The following SNTB1 variants were observed in gnomAD, a reference collection of about 807,000 sequenced individuals.
The protein encoded by SNTB1 is beta-1-syntrophin.
In SNTB1, 36 loss-of-function variants were observed where a neutral mutation model predicts 48.9. The observed-to-expected ratio is 0.74, with a 90% CI of 0.56 to 0.97. The LOEUF (loss-of-function observed/expected upper bound fraction) is 0.97. SNTB1 is among the 50% of genes least tolerant of loss of function. The pLI is 0.00. For missense variants in SNTB1, 786 were observed against 703.4 expected, an observed-to-expected ratio of 1.12 and a Z score of -1.33; for synonymous variants, 299 against 294.6, an observed-to-expected ratio of 1.01 and a Z score of -0.15.
intron 2 of SNTB1, among the ~76,000 whole-genome samples, chr8:120,677,501 C>G (rs1817857007): frequency 6.6e-6 from 1 of 152,154 alleles, no homozygotes; most frequent in South Asian, 2.1e-4. Flanking sequence ...CTGTTTTATA[C>G]TTTTCAACTG....
intron 1 of SNTB1, among the ~76,000 whole-genome samples, chr8:120,805,310 G>A (rs995818313): frequency 6.6e-6 from 1 of 152,148 alleles, no homozygotes; most frequent in Non-Finnish European, 1.5e-5. Flanking sequence ...GGGAATTAGG[G>A]TTGAAGATGG....
intron 2 of SNTB1, among the ~76,000 whole-genome samples, chr8:120,646,576 A>G (rs1293333711): frequency 3.3e-5 from 5 of 151,792 alleles, no homozygotes; most frequent in Admixed American, 2.0e-4. Context: ...CCAGTATTTT[A>G]TTGAGGATTT....
intron 1 of SNTB1, among the ~76,000 whole-genome samples, chr8:120,806,122 C>T (rs2130189832): frequency 6.6e-6 from 1 of 152,346 alleles, no homozygotes; most frequent in African/African-American, 2.4e-5. Flanking sequence ...AATTAGCATT[C>T]TTACAGGACA....
At position 120,784,741 on chromosome 8, in the gene SNTB1, T is replaced by C. The variant is rs78567630; in HGVS notation, c.571+26532A>G. Among the ~76,000 whole-genome samples, 619 of 152,276 alleles carry C rather than the reference T, an allele frequency of 4.1e-3. 2 individuals are homozygous for C. The highest frequency in any genetic ancestry group is 5.4e-3 in the Non-Finnish European group (364 of 68,026). ...TCTTCCACTTGAAAAGACAAAATAGTGTATTGAGATTCATGCTGTAAACAG... is the reference window on the plus strand; with the variant it reads ...TCTTCCACTTGAAAAGACAAAATAGCGTATTGAGATTCATGCTGTAAACAG... On this transcript the variant is annotated intron_variant, in intron 1 of 6. Transcript: ENST00000517992.
intron 2 of SNTB1, among the ~76,000 whole-genome samples, chr8:120,648,569 AC>A (rs1370528261): frequency 6.6e-6 from 1 of 151,854 alleles, no homozygotes; most frequent in African/African-American, 2.4e-5. Flanking sequence ...TTTGAGGGTA[AC>A]CCGACCTTTC....
At chr8:120,543,978 CAG>C (rs1283709915) in intron 5 of SNTB1, among the ~76,000 whole-genome samples, 2 of 141,674 alleles carry the variant, frequency 1.4e-5, no homozygotes, top group Non-Finnish European at 3.0e-5. Flanking sequence ...TTTTTTGAGA[CAG>C]GGGTCTACGC....
chr8:120,763,077 A>G (rs2130072030), intron 1 of SNTB1, among the ~76,000 whole-genome samples: 1 of 152,112 alleles, frequency 6.6e-6, no homozygotes, highest in African/African-American at 2.4e-5. Flanking sequence ...TCACCACTAT[A>G]CTGAACTATC....
intron 3 of SNTB1, among the ~76,000 whole-genome samples, chr8:120,616,437 A>G (rs982696731): frequency 4.6e-5 from 7 of 151,282 alleles, no homozygotes; most frequent in African/African-American, 1.5e-4. Flanking sequence ...GTAAGCTAGA[A>G]CTACAGGGGC....
intron 3 of SNTB1, among the ~76,000 whole-genome samples, chr8:120,595,362 A>G (rs1453837232): frequency 6.6e-6 from 1 of 152,190 alleles, no homozygotes; most frequent in Non-Finnish European, 1.5e-5. Flanking sequence ...TGGCAACAAG[A>G]GTGACCTCTG....
chr8:120,615,403 T>C (rs1444773399), intron 3 of SNTB1, among the ~76,000 whole-genome samples: 4 of 152,152 alleles, frequency 2.6e-5, no homozygotes, highest in African/African-American at 9.7e-5. Context: ...CAGCTTGGCA[T>C]CAGCTCAACA....
chr8:120,761,586 C>T (rs4342647), intron 1 of SNTB1, among the ~76,000 whole-genome samples: 9,159 of 152,176 alleles, frequency 0.06, 428 homozygotes, highest in African/African-American at 0.13. Context: ...TATTCTATAG[C>T]ACATAAAATT....
intron 3 of SNTB1, among the ~76,000 whole-genome samples, chr8:120,592,162 C>T (rs868158249): frequency 2.6e-5 from 4 of 151,646 alleles, no homozygotes; most frequent in Non-Finnish European, 5.9e-5. Flanking sequence ...ATTAGCAGTC[C>T]AATTTCAAGC....
At chr8:120,731,980 G>A (rs1262820284) in intron 1 of SNTB1, among the ~76,000 whole-genome samples, 3 of 152,202 alleles carry the variant, frequency 2.0e-5, no homozygotes, top group African/African-American at 7.2e-5. Flanking sequence ...GCAGTGAGCA[G>A]TGTTTCAAAA....
chr8:120,641,819 T>C (rs1817201459), intron 2 of SNTB1, among the ~76,000 whole-genome samples: 1 of 152,236 alleles, frequency 6.6e-6, no homozygotes, highest in South Asian at 2.1e-4. Context: ...ATATAATCAC[T>C]ATTCAAATTT....
At chr8:120,602,635 A>T (rs1816438822) in intron 3 of SNTB1, among the ~76,000 whole-genome samples, 1 of 152,130 alleles carries the variant, frequency 6.6e-6, no homozygotes, top group South Asian at 2.1e-4. Flanking sequence ...GTTTCTATGT[A>T]TCTATCTAGA....
chr8:120,798,384 C>T (rs1329361412), intron 1 of SNTB1, among the ~76,000 whole-genome samples: 1 of 152,008 alleles, frequency 6.6e-6, no homozygotes, highest in Non-Finnish European at 1.5e-5. Flanking sequence ...AAACACTTGT[C>T]AATGTCTGAA....
chr8:120,640,094 A>G (rs1379570675), intron 2 of SNTB1, among the ~76,000 whole-genome samples: 3 of 151,544 alleles, frequency 2.0e-5, no homozygotes, highest in Non-Finnish European at 4.4e-5. Flanking sequence ...GGTCCTTCAC[A>G]TCCCTTGTAA....
chr8:120,655,826 G>A (rs1172425412), intron 2 of SNTB1, among the ~76,000 whole-genome samples: 1 of 152,168 alleles, frequency 6.6e-6, no homozygotes, highest in Admixed American at 6.5e-5. Context: ...AATTCTGAAG[G>A]AGGCAACATC....
At chr8:120,772,062 G>T (rs889540332) in intron 1 of SNTB1, among the ~76,000 whole-genome samples, 3 of 151,878 alleles carry the variant, frequency 2.0e-5, no homozygotes, top group African/African-American at 4.8e-5. Context: ...TAGAGACAAG[G>T]TTTCACCATG....
Sources: allele counts gnomAD v4.1 joint callset (sites outside exome capture counted in the v4.1 genomes callset), GRCh38; gene constraint gnomAD v4.1.1; transcripts MANE v1.5; gene names NCBI Gene and HGNC (gene_info 2026-07-23, HGNC 2026-07-21).